DLGAP2: variants seen among roughly 807,000 people sequenced by gnomAD.
DLGAP2 encodes the protein DLG associated protein 2.
DLGAP2 carries 26 observed loss-of-function variants against 100.3 expected under a neutral mutation model. The observed-to-expected ratio is 0.26, with a 90% CI of 0.19 to 0.36. The LOEUF is 0.36. Ranked by LOEUF, DLGAP2 falls within the 10% of genes least tolerant of loss-of-function variation. The pLI is 1.00. For missense variants in DLGAP2, 1,858 were observed against 1,453.2 expected, an observed-to-expected ratio of 1.28 and a Z score of -4.53; for synonymous variants, 886 against 630.1, an observed-to-expected ratio of 1.41 and a Z score of -6.08.
chr8:1,294,264 A>G (rs2116976245), intron 3 of DLGAP2, among the ~76,000 whole-genome samples: 1 of 152,288 alleles, frequency 6.6e-6, no homozygotes, highest in Non-Finnish European at 1.5e-5. Flanking sequence ...TGTCTTGATC[A>G]CATTATACTT....
In DLGAP2 at chr8:1,661,556, G is replaced by A. The variant is rs1257498652; in HGVS notation, c.1811-6773G>A. ...AATTAGAGGTTTATATAGCAGGGAAGAAATGTAACCATGTATGGGAAAACA... is the reference window on the plus strand; with the variant it reads ...AATTAGAGGTTTATATAGCAGGGAAAAAATGTAACCATGTATGGGAAAACA... On this transcript the variant is annotated intron_variant, in intron 8 of 14. Transcript: ENST00000637795. Among the ~76,000 whole-genome samples, 9 of 152,344 alleles carry A rather than the reference G, an allele frequency of 5.9e-5. No homozygotes were observed. The South Asian group carries it at 1.7e-3, about 28-fold the overall frequency.
chr8:1,222,237 A>C (rs1265762150), intron 2 of DLGAP2, among the ~76,000 whole-genome samples: 1 of 152,168 alleles, frequency 6.6e-6, no homozygotes, highest in East Asian at 1.9e-4. Flanking sequence ...TGACATCGCT[A>C]TCTTTTGGAT....
Position 1,641,200 on chromosome 8 carries a change from G to A in DLGAP2, c.1810+8154G>A, listed in dbSNP as rs537638846. Among the ~76,000 whole-genome samples, 37 of 152,284 alleles carry A rather than the reference G, an allele frequency of 2.4e-4. 1 individual carries two copies. The highest frequency in any genetic ancestry group is 1.2e-3 in the East Asian group (6 of 5,172). ...AGAACAGACATGACAGACGAATCAC[G>A]TGCCTCCCGGTTTGCAGAAGGCGAG... On this transcript the variant is annotated intron_variant, in intron 8 of 14. Coordinates refer to ENST00000637795, the MANE Select transcript of DLGAP2 (RefSeq NM_001346810.2).
chr8:1,352,479 T>C (rs947953815), intron 3 of DLGAP2, among the ~76,000 whole-genome samples: 1 of 152,154 alleles, frequency 6.6e-6, no homozygotes, highest in Non-Finnish European at 1.5e-5. Context: ...TATCACTTCC[T>C]AAAAACTCTT....
intron 8 of DLGAP2, among the ~76,000 whole-genome samples, chr8:1,657,361 A>G (rs1014655244): frequency 6.6e-6 from 1 of 152,244 alleles, no homozygotes; most frequent in Non-Finnish European, 1.5e-5. Flanking sequence ...TATAGCTCAT[A>G]AGGATTAGTT....
intron 2 of DLGAP2, among the ~76,000 whole-genome samples, chr8:918,568 G>A (rs1412804503): frequency 6.6e-6 from 1 of 152,172 alleles, no homozygotes; most frequent in Non-Finnish European, 1.5e-5. Context: ...AGGTGTACTT[G>A]GTGTTCACCG....
Position 1,504,711 on chromosome 8 carries a change from A to G in DLGAP2, c.172+3280A>G, listed in dbSNP as rs1799845349. On this transcript the variant is annotated intron_variant, in intron 4 of 14. Coordinates refer to ENST00000637795, the MANE Select transcript of DLGAP2 (RefSeq NM_001346810.2). ...TCCAGGCTCATCTATGTTGTTGCAA[A>G]TGCTAGGATTTCTCACTTTTTAAGA... Among the ~76,000 whole-genome samples the G allele has an allele frequency of 2.0e-5, 3 of 152,154 alleles. No individual in the cohort carries two copies. The South Asian group carries it at 6.2e-4, about 32-fold the overall frequency.
chr8:1,525,071 C>T (rs1194913636), intron 4 of DLGAP2, among the ~76,000 whole-genome samples: 2 of 152,058 alleles, frequency 1.3e-5, no homozygotes, highest in Non-Finnish European at 2.9e-5. Context: ...TTCAGAAGTG[C>T]TGAGTGTGCT....
intron 1 of DLGAP2, among the ~76,000 whole-genome samples, chr8:748,367 A>G (rs1005512143): frequency 1.3e-5 from 2 of 151,894 alleles, no homozygotes; most frequent in African/African-American, 4.8e-5. Flanking sequence ...CTCCTCCAAG[A>G]CTGAGGTCCA....
intron 4 of DLGAP2, among the ~76,000 whole-genome samples, chr8:1,525,883 GC>G (rs1800776228): frequency 6.6e-6 from 1 of 152,106 alleles, no homozygotes; most frequent in Non-Finnish European, 1.5e-5. Context: ...GTGTGTCTTG[GC>G]TTTGTCTGTA....
chr8:805,103 C>G (rs1056889965), intron 1 of DLGAP2, among the ~76,000 whole-genome samples: 11 of 152,188 alleles, frequency 7.2e-5, no homozygotes, highest in African/African-American at 2.7e-4. Context: ...AGACACTTAC[C>G]TGACTGATTC....
At chr8:787,633 C>T (rs1392566120) in intron 1 of DLGAP2, among the ~76,000 whole-genome samples, 1 of 152,182 alleles carries the variant, frequency 6.6e-6, no homozygotes, top group Non-Finnish European at 1.5e-5. Flanking sequence ...GTTCCACCAG[C>T]CGGTGGCCTC....
chr8:837,942 C>G (rs983849386), intron 1 of DLGAP2, among the ~76,000 whole-genome samples: 1 of 147,072 alleles, frequency 6.8e-6, no homozygotes, highest in South Asian at 2.2e-4. Context: ...GCCATGTTGG[C>G]CAGGCTGCTC....
chr8:1,282,274 CGG>C (rs1799833711), intron 3 of DLGAP2, among the ~76,000 whole-genome samples: 1 of 137,544 alleles, frequency 7.3e-6, no homozygotes, highest in Admixed American at 7.4e-5. Context: ...CTGAACCATC[CGG>C]ACATGGTGTG....
At chr8:1,081,458 T>G (rs752843621) in intron 2 of DLGAP2, among the ~76,000 whole-genome samples, 3 of 152,162 alleles carry the variant, frequency 2.0e-5, no homozygotes, top group Non-Finnish European at 4.4e-5. Flanking sequence ...TTCAAGCGAT[T>G]CTCCTGCCTC....
intron 1 of DLGAP2, among the ~76,000 whole-genome samples, chr8:748,937 A>G (rs550668416): frequency 1.3e-5 from 2 of 152,208 alleles, no homozygotes; most frequent in South Asian, 2.1e-4. Context: ...CCTACAATCT[A>G]TTTTGCTCTC....
chr8:1,451,581 C>A (rs1315209654), intron 3 of DLGAP2, among the ~76,000 whole-genome samples: 10 of 152,146 alleles, frequency 6.6e-5, no homozygotes, highest in Admixed American at 6.5e-4. Flanking sequence ...ATCCGAGGTA[C>A]CTGTTCCGCC....
intron 2 of DLGAP2, among the ~76,000 whole-genome samples, chr8:1,205,718 G>A (rs1451674701): frequency 3.9e-5 from 6 of 152,178 alleles, no homozygotes; most frequent in South Asian, 2.1e-4. Flanking sequence ...GGTTCTCAGC[G>A]TCTCCATTTC....
intron 4 of DLGAP2, among the ~76,000 whole-genome samples, chr8:1,534,865 C>G (rs150710349): frequency 6.6e-6 from 1 of 152,318 alleles, no homozygotes; most frequent in Non-Finnish European, 1.5e-5. Flanking sequence ...TCAGACTTTG[C>G]ACGACCCACT....
Sources: gnomAD v4.1 joint callset for allele counts (sites outside exome capture counted in the v4.1 genomes callset) on GRCh38, gnomAD v4.1.1 for gene constraint, MANE v1.5 for transcripts, NCBI Gene and HGNC (gene_info 2026-07-23, HGNC 2026-07-21) for gene names.